KCND2: variants seen among roughly 807,000 people sequenced by gnomAD.
KCND2 encodes the protein A-type voltage-gated potassium channel KCND2.
A neutral mutation model predicts 54.4 loss-of-function variants in KCND2; 16 were observed. That is an observed-to-expected ratio of 0.29 (90% CI 0.20 to 0.45). The LOEUF (loss-of-function observed/expected upper bound fraction) is 0.45, where lower values mean the gene tolerates loss of function less well. Among genes scored for constraint, KCND2 ranks in the 20% least tolerant of loss-of-function variants. The pLI is 1.00. For synonymous variants in KCND2, 317 were observed against 310.7 expected, an observed-to-expected ratio of 1.02 and a Z score of -0.21; for missense variants, 486 against 824.2, an observed-to-expected ratio of 0.59 and a Z score of 5.02.
At position 120,275,434 on chromosome 7, in the gene KCND2, G is replaced by A; in HGVS notation, c.802G>A (p.Val268Met). 2 of 1,613,782 alleles carry A rather than the reference G, an allele frequency of 1.2e-6. No homozygotes were observed. Among genetic ancestry groups the A allele is most frequent in the Non-Finnish European group, 8.5e-7 (1 of 1,179,966 alleles). ...TAGTGTCATGAGTATCATCGACGTG[G>A]TGGCCATCCTGCCTTATTACATTGG... ...VRSVMSIIDV[V>M]AILPYYIGLV... Residue 268 changes from valine to methionine, a missense_variant, in exon 1 of 6, where the codon GTG (valine) becomes ATG (methionine). Transcript: ENST00000331113.
intron 1 of KCND2, among the ~76,000 whole-genome samples, chr7:120,500,402 C>T (rs1562856479): frequency 6.6e-6 from 1 of 152,022 alleles, no homozygotes; most frequent in Non-Finnish European, 1.5e-5. Context: ...CTTTTCTTTT[C>T]TTATGTAATA....
In KCND2 at chr7:120,425,964, C is replaced by G. The variant is rs1268789937; in HGVS notation, c.1115+150217C>G. On this transcript the variant is annotated intron_variant, in intron 1 of 5. Coordinates refer to ENST00000331113, the MANE Select transcript of KCND2 (RefSeq NM_012281.3). ...TTGACTCTATTTTTTTTTTTTAGAACTAGTTAATTTTATTTTAGAAGTAAA... is the reference window on the plus strand; with the variant it reads ...TTGACTCTATTTTTTTTTTTTAGAAGTAGTTAATTTTATTTTAGAAGTAAA... Among the ~76,000 whole-genome samples the G allele has an allele frequency of 2.0e-5, 3 of 148,966 alleles. No homozygotes were observed. The East Asian group carries it at 5.9e-4, about 29-fold the overall frequency.
At chr7:120,323,241 C>T (rs886974751) in intron 1 of KCND2, among the ~76,000 whole-genome samples, 52 of 151,834 alleles carry the variant, frequency 3.4e-4, no homozygotes, top group Non-Finnish European at 4.0e-4. Flanking sequence ...TGAGAACATG[C>T]GGTGTTTGGT....
chr7:120,655,356 G>T (rs1408163603), intron 1 of KCND2, among the ~76,000 whole-genome samples: 1 of 151,766 alleles, frequency 6.6e-6, no homozygotes, highest in Admixed American at 6.6e-5. Flanking sequence ...AGGACCCTTG[G>T]GATGCCAGCA....
At chr7:120,583,231 A>G (rs969815533) in intron 1 of KCND2, among the ~76,000 whole-genome samples, 3 of 152,162 alleles carry the variant, frequency 2.0e-5, no homozygotes, top group African/African-American at 7.2e-5. Flanking sequence ...CACATCCTAC[A>G]GAGCAGGACC....
intron 1 of KCND2, among the ~76,000 whole-genome samples, chr7:120,699,068 C>T (rs1792368066): frequency 6.6e-6 from 1 of 152,018 alleles, no homozygotes; most frequent in Non-Finnish European, 1.5e-5. Context: ...ATCATGAGGT[C>T]AGGAGATCGA....
intron 1 of KCND2, among the ~76,000 whole-genome samples, chr7:120,717,325 GCAGGA>G (rs1234862356): frequency 6.6e-6 from 1 of 152,108 alleles, no homozygotes; most frequent in African/African-American, 2.4e-5. Flanking sequence ...GTGTGGATAC[GCAGGA>G]CAGAAGGTTA....
At chr7:120,570,190 T>A (rs1792345391) in intron 1 of KCND2, among the ~76,000 whole-genome samples, 2 of 152,200 alleles carry the variant, frequency 1.3e-5, no homozygotes, top group Admixed American at 1.3e-4. Flanking sequence ...TAGGGATATT[T>A]GGGGTTCTCC....
chr7:120,443,457 T>C (rs1251443576), intron 1 of KCND2, among the ~76,000 whole-genome samples: 1 of 151,752 alleles, frequency 6.6e-6, no homozygotes, highest in Non-Finnish European at 1.5e-5. Flanking sequence ...CATGGAGACA[T>C]TGACATTATC....
chr7:120,504,785 C>A (rs1438476847), intron 1 of KCND2, among the ~76,000 whole-genome samples: 1 of 151,698 alleles, frequency 6.6e-6, no homozygotes, highest in African/African-American at 2.4e-5. Context: ...AAGATCTTTA[C>A]AATACACAGA....
At chr7:120,534,552 G>A (rs1250306790) in intron 1 of KCND2, among the ~76,000 whole-genome samples, 1 of 152,154 alleles carries the variant, frequency 6.6e-6, no homozygotes, top group African/African-American at 2.4e-5. Context: ...TCCTGAGTGG[G>A]ATCCTGGAAC....
At chr7:120,321,307 T>G (rs1307361609) in intron 1 of KCND2, among the ~76,000 whole-genome samples, 1 of 152,048 alleles carries the variant, frequency 6.6e-6, no homozygotes, top group East Asian at 1.9e-4. Flanking sequence ...TGGATTTTAT[T>G]TTGTTTTGTT....
chr7:120,478,928 T>C (rs1339507438), intron 1 of KCND2, among the ~76,000 whole-genome samples: 1 of 152,200 alleles, frequency 6.6e-6, no homozygotes, highest in African/African-American at 2.4e-5. Flanking sequence ...TGATTATGTA[T>C]TTTTACACAA....
At chr7:120,746,112 C>A in intron 5 of KCND2, 85 bp downstream of exon 5, 2 of 1,453,082 alleles carry the variant, frequency 1.4e-6, no homozygotes, top group Admixed American at 3.4e-5. Flanking sequence ...ACTTACATGG[C>A]ATCTAAATCC....
At chr7:120,624,595 C>T (rs1029389653) in intron 1 of KCND2, among the ~76,000 whole-genome samples, 11 of 151,986 alleles carry the variant, frequency 7.2e-5, no homozygotes, top group Non-Finnish European at 1.6e-4. Context: ...GCCTGGACAA[C>T]ATAATAAGAC....
chr7:120,731,636 A>T (rs1183821036), intron 1 of KCND2, among the ~76,000 whole-genome samples: 1 of 152,208 alleles, frequency 6.6e-6, no homozygotes, highest in African/African-American at 2.4e-5. Flanking sequence ...TTTTAAAACC[A>T]AAGTTCTGGC....
intron 1 of KCND2, among the ~76,000 whole-genome samples, chr7:120,425,078 A>C (rs747878236): frequency 6.6e-6 from 1 of 152,234 alleles, no homozygotes; most frequent in Non-Finnish European, 1.5e-5. Flanking sequence ...AAAGGGGTAC[A>C]TGCATAATTC....
chr7:120,595,451 CAA>C lies in KCND2; in HGVS notation c.1116-137443_1116-137442del, dbSNP rs759040293. ...GGGCAACAAAGTGAGACTGTGCCAC[CAA>C]AAAAAAAATATATATATATATATAT... On this transcript the variant is annotated intron_variant, in intron 1 of 5. Coordinates refer to ENST00000331113, the MANE Select transcript of KCND2 (RefSeq NM_012281.3). Among the ~76,000 whole-genome samples, 260 of 43,678 alleles carry C rather than the reference CAA, an allele frequency of 6.0e-3. 2 individuals are homozygous for C. Among genetic ancestry groups the C allele is most frequent in the East Asian group, 0.03 (65 of 2,174 alleles). 28.7% of individuals were successfully genotyped at this position (43,678 alleles called of 152,430 possible).
chr7:120,651,796 A>T (rs1394166438), intron 1 of KCND2, among the ~76,000 whole-genome samples: 1 of 152,220 alleles, frequency 6.6e-6, no homozygotes, highest in Non-Finnish European at 1.5e-5. Context: ...CATTTAAAGA[A>T]TATTAATCAA....
Sources: allele counts gnomAD v4.1 joint callset (sites outside exome capture counted in the v4.1 genomes callset), GRCh38; gene constraint gnomAD v4.1.1; transcripts MANE v1.5; gene names NCBI Gene and HGNC (gene_info 2026-07-23, HGNC 2026-07-21).